Variants in NRXN1 observed in about 807,000 individuals in gnomAD.
The protein encoded by NRXN1 is neurexin 1, also known as neurexin-1.
NRXN1 carries 39 observed loss-of-function variants against 150.9 expected under a neutral mutation model. The ratio of observed to expected loss-of-function variants is 0.26; its 90% confidence interval spans 0.20 to 0.34. NRXN1 has a LOEUF of 0.34. Ranked by LOEUF, NRXN1 falls within the 10% of genes least tolerant of loss-of-function variation. The pLI is 1.00. For missense variants in NRXN1, 1,815 were observed against 1,949.9 expected, an observed-to-expected ratio of 0.93 and a Z score of 1.30; for synonymous variants, 924 against 757.0, an observed-to-expected ratio of 1.22 and a Z score of -3.62.
chr2:49,946,236 T>G (rs1672869155), intron 21 of NRXN1, among the ~76,000 whole-genome samples: 2 of 152,302 alleles, frequency 1.3e-5, no homozygotes, highest in East Asian at 3.9e-4. Flanking sequence ...GGGGTTGTTT[T>G]GTTTTTTTCT....
intron 17 of NRXN1, among the ~76,000 whole-genome samples, chr2:50,461,416 G>A (rs1191023331): frequency 1.3e-5 from 2 of 151,914 alleles, no homozygotes; most frequent in African/African-American, 4.8e-5. Flanking sequence ...AATGTAATGT[G>A]ACAATGTTAT....
At chr2:49,960,941 T>G (rs560006777) in intron 21 of NRXN1, among the ~76,000 whole-genome samples, 1 of 152,302 alleles carries the variant, frequency 6.6e-6, no homozygotes, top group South Asian at 2.1e-4. Flanking sequence ...AGCTATCTAT[T>G]GGGTACGGGA....
At chr2:51,022,708 C>G (rs1669816723) in intron 2 of NRXN1, among the ~76,000 whole-genome samples, 1 of 152,144 alleles carries the variant, frequency 6.6e-6, no homozygotes, top group African/African-American at 2.4e-5. Context: ...TTTTTAACCA[C>G]TATCTACTTA....
chr2:50,663,956 T>A (rs1274194158), intron 5 of NRXN1, among the ~76,000 whole-genome samples: 1 of 151,986 alleles, frequency 6.6e-6, no homozygotes, highest in African/African-American at 2.4e-5. Context: ...CATCTGAATC[T>A]CAATGGCACC....
chr2:50,875,448 AATT>A (rs1462751098), intron 5 of NRXN1, among the ~76,000 whole-genome samples: 6 of 151,322 alleles, frequency 4.0e-5, no homozygotes, highest in South Asian at 2.1e-4. Flanking sequence ...ATATTTTAGC[AATT>A]ATTATTATTA....
At chr2:50,666,740 C>T (rs1211948216) in intron 5 of NRXN1, among the ~76,000 whole-genome samples, 1 of 151,770 alleles carries the variant, frequency 6.6e-6, no homozygotes, top group Non-Finnish European at 1.5e-5. Context: ...CTTTAAATAC[C>T]AATTGTAATT....
At position 50,089,834 on chromosome 2, in the gene NRXN1, C is replaced by T. The variant is rs907695696; in HGVS notation, c.3718+1489G>A. 2.0e-5 allele frequency among the ~76,000 whole-genome samples: 3 copies of T among 151,616 alleles called. No homozygotes were observed. In the South Asian group the frequency reaches 6.2e-4, roughly 31 times the overall value. On this transcript the variant is annotated intron_variant, in intron 19 of 22. Coordinates refer to ENST00000401669, the MANE Select transcript of NRXN1 (RefSeq NM_001330078.2). ...TGATAAAGAATAAAAATTGAAATTG[C>T]ACATTTATACTAGGATTTCAGATAA... is the stretch of plus-strand genomic sequence containing the variant.
intron 21 of NRXN1, among the ~76,000 whole-genome samples, chr2:50,039,348 C>G (rs973916480): frequency 1.3e-5 from 2 of 152,118 alleles, no homozygotes; most frequent in Admixed American, 6.6e-5. Flanking sequence ...CGCCTATGGT[C>G]CCAGCTACTC....
chr2:50,923,021 T>C (rs1249512725), intron 3 of NRXN1, among the ~76,000 whole-genome samples: 1 of 151,826 alleles, frequency 6.6e-6, no homozygotes. Context: ...TGAGACTGTT[T>C]TGCATATTGC....
At chr2:50,406,260 T>C (rs2082743174) in intron 17 of NRXN1, among the ~76,000 whole-genome samples, 1 of 152,102 alleles carries the variant, frequency 6.6e-6, no homozygotes, top group African/African-American at 2.4e-5. Flanking sequence ...GATGGAACTT[T>C]TAAGAGGAGA....
intron 17 of NRXN1, among the ~76,000 whole-genome samples, chr2:50,316,975 A>G (rs1301469032): frequency 6.6e-6 from 1 of 152,026 alleles, no homozygotes; most frequent in Non-Finnish European, 1.5e-5. Flanking sequence ...GAAAATACCA[A>G]AAGAAAAAAT....
intron 8 of NRXN1, among the ~76,000 whole-genome samples, chr2:50,613,658 G>A (rs1489708645): frequency 2.0e-5 from 3 of 152,124 alleles, no homozygotes; most frequent in Admixed American, 6.5e-5. Flanking sequence ...ATTCATACAG[G>A]CCAGGTGTGG....
intron 17 of NRXN1, among the ~76,000 whole-genome samples, chr2:50,293,814 T>C (rs1320217174): frequency 6.6e-6 from 1 of 152,120 alleles, no homozygotes; most frequent in African/African-American, 2.4e-5. Flanking sequence ...TGCTATAATA[T>C]CCCAAGTAGT....
In NRXN1 at chr2:50,577,876, A is replaced by G. The variant is rs139714830; in HGVS notation, c.1321-24851T>C. Among the ~76,000 whole-genome samples, 737 of 152,292 alleles carry G rather than the reference A, an allele frequency of 4.8e-3. 6 individuals carry two copies. The highest frequency in any genetic ancestry group is 0.017 in the African/African-American group (699 of 41,580). Reference sequence around the variant, plus strand: ...AAAACAGTTACTAACCAATAATTTTAGCTATAATATGCAATAATGTCATCT... The same window carrying G: ...AAAACAGTTACTAACCAATAATTTTGGCTATAATATGCAATAATGTCATCT... On this transcript the variant is annotated intron_variant, in intron 8 of 22. Transcript: ENST00000401669.
rs375542616 is a variant in NRXN1 at position 49,943,849 on chromosome 2, C to G, written c.4129-58G>C. 23 of 1,237,676 alleles carry G rather than the reference C, an allele frequency of 1.9e-5. No homozygotes were observed. In the African/African-American group the frequency reaches 3.4e-4, roughly 18 times the overall value. 76.7% of individuals were successfully genotyped at this position (1,237,676 alleles called of 1,614,324 possible). A position where few individuals can be genotyped will look rare whatever the true frequency, so the allele number is the denominator to read the frequency against. On this transcript the variant is annotated intron_variant, in intron 21 of 22. Transcript: ENST00000401669. ...AAAGGGTCCTAACAGATTCTCTCAT[C>G]TTTGTCTCATTGACAAGTGAAATAC...
At chr2:51,017,333 CT>C (rs879853887) in intron 2 of NRXN1, among the ~76,000 whole-genome samples, 309 of 141,712 alleles carry the variant, frequency 2.2e-3, no homozygotes, top group Middle Eastern at 3.6e-3. Context: ...TTCTGGGATT[CT>C]TTTTTTTTTT....
intron 5 of NRXN1, among the ~76,000 whole-genome samples, chr2:50,745,305 C>T (rs551768206): frequency 1.4e-5 from 2 of 146,430 alleles, no homozygotes; most frequent in Non-Finnish European, 3.0e-5. Flanking sequence ...ATCTGCCCCC[C>T]CCCAGGACTG....
chr2:50,424,872 G>A (rs919872861), intron 17 of NRXN1, among the ~76,000 whole-genome samples: 13 of 152,116 alleles, frequency 8.5e-5, no homozygotes, highest in East Asian at 1.9e-4. Flanking sequence ...CAGTTATTTC[G>A]TATTGCATAA....
At chr2:49,923,798 T>C (rs190938706) in intron 22 of NRXN1, among the ~76,000 whole-genome samples, 3 of 152,300 alleles carry the variant, frequency 2.0e-5, no homozygotes, top group Admixed American at 1.3e-4. Flanking sequence ...ATTTCCAAAG[T>C]AGTAGCTCTT....
Sources: gnomAD v4.1 joint callset for allele counts (sites outside exome capture counted in the v4.1 genomes callset) on GRCh38, gnomAD v4.1.1 for gene constraint, MANE v1.5 for transcripts, NCBI Gene and HGNC (gene_info 2026-07-23, HGNC 2026-07-21) for gene names.